CCSER1: variants seen among roughly 807,000 people sequenced by gnomAD.
CCSER1 encodes the protein coiled-coil serine rich protein 1.
A neutral mutation model predicts 82.0 loss-of-function variants in CCSER1; 41 were observed. That is an observed-to-expected ratio of 0.50 (90% CI 0.39 to 0.65). CCSER1 has a LOEUF of 0.65. CCSER1 is among the 30% of genes least tolerant of loss of function. The pLI is 0.00. For missense variants in CCSER1, 1,119 were observed against 1,064.2 expected (o/e 1.05, Z -0.72); for synonymous variants, 414 against 383.9 (o/e 1.08, Z -0.92).
chr4:90,523,449 A>G (rs752893017), intron 5 of CCSER1, among the ~76,000 whole-genome samples: 5 of 152,122 alleles, frequency 3.3e-5, no homozygotes, highest in Non-Finnish European at 7.4e-5. Context: ...ATCCTCATAT[A>G]ATTAGAACTG....
chr4:91,133,509 T>A (rs1318983349), intron 10 of CCSER1, among the ~76,000 whole-genome samples: 1 of 152,166 alleles, frequency 6.6e-6, no homozygotes, highest in African/African-American at 2.4e-5. Context: ...GAAGGTAGAT[T>A]GACGCCTCTG....
intron 10 of CCSER1, among the ~76,000 whole-genome samples, chr4:91,518,859 GT>G (rs1212349240): frequency 2.6e-5 from 4 of 152,184 alleles, no homozygotes; most frequent in African/African-American, 9.6e-5. Flanking sequence ...CAACTATTCT[GT>G]GGTCCTGAAC....
chr4:90,729,855 T>G (rs1042251204), intron 7 of CCSER1, among the ~76,000 whole-genome samples: 9 of 151,990 alleles, frequency 5.9e-5, no homozygotes, highest in Admixed American at 1.3e-4. Context: ...CAGCCTGGGC[T>G]ACAGACCGAG....
chr4:90,175,174 A>T (rs1293273424), intron 1 of CCSER1, among the ~76,000 whole-genome samples: 5 of 152,034 alleles, frequency 3.3e-5, no homozygotes, highest in African/African-American at 4.8e-5. Flanking sequence ...ACTAAATGAT[A>T]TAAGGAAATG....
At chr4:90,631,157 T>C (rs1724338944) in intron 6 of CCSER1, among the ~76,000 whole-genome samples, 1 of 152,074 alleles carries the variant, frequency 6.6e-6, no homozygotes, top group African/African-American at 2.4e-5. Flanking sequence ...CCTCCCAAAG[T>C]GCTGGGACTA....
chr4:90,808,876 A>C (rs962470603), intron 7 of CCSER1, among the ~76,000 whole-genome samples: 1 of 152,194 alleles, frequency 6.6e-6, no homozygotes, highest in Non-Finnish European at 1.5e-5. Context: ...AAATTCAGCA[A>C]TCTCACTACT....
At position 91,014,746 on chromosome 4, in the gene CCSER1, G is replaced by A. The variant is rs138242307; in HGVS notation, c.2173-71204G>A. Among the ~76,000 whole-genome samples the A allele has an allele frequency of 3.0e-3, 457 of 152,190 alleles. 3 individuals are homozygous for A. The highest frequency in any genetic ancestry group is 0.01 in the African/African-American group (428 of 41,524). On this transcript the variant is annotated intron_variant, in intron 9 of 10. Coordinates refer to ENST00000509176, the MANE Select transcript of CCSER1 (RefSeq NM_001145065.2). ...ATAATCTTAAATGAGAGATTATTAA[G>A]AATCAAATATTTCACTTGAATTTTG...
intron 1 of CCSER1, among the ~76,000 whole-genome samples, chr4:90,236,467 G>T (rs558608342): frequency 2.7e-4 from 41 of 152,224 alleles, no homozygotes; most frequent in African/African-American, 9.4e-4. Flanking sequence ...AAGATATTCT[G>T]CATCAAGGAC....
chr4:90,657,768 C>A (rs1436179050), intron 6 of CCSER1, among the ~76,000 whole-genome samples: 1 of 152,076 alleles, frequency 6.6e-6, no homozygotes, highest in Non-Finnish European at 1.5e-5. Flanking sequence ...CATGTAATTT[C>A]TTGAACACAT....
At chr4:90,709,946 G>T (rs373796989) in intron 6 of CCSER1, among the ~76,000 whole-genome samples, 1,460 of 134,948 alleles carry the variant, frequency 0.011, 22 homozygotes, top group African/African-American at 0.034. Flanking sequence ...GCCAGCATCT[G>T]TTTTTTTTTT....
At chr4:90,250,814 T>C (rs1217583430) in intron 1 of CCSER1, among the ~76,000 whole-genome samples, 1 of 152,068 alleles carries the variant, frequency 6.6e-6, no homozygotes, top group Non-Finnish European at 1.5e-5. Flanking sequence ...TTGTCATCTT[T>C]GTAATAACAC....
intron 9 of CCSER1, among the ~76,000 whole-genome samples, chr4:90,977,957 C>G (rs1034037261): frequency 6.6e-6 from 1 of 151,512 alleles, no homozygotes; most frequent in Non-Finnish European, 1.5e-5. Context: ...AACAGGCATT[C>G]AATGATGTCA....
At chr4:90,882,961 T>C (rs1323195337) in intron 8 of CCSER1, among the ~76,000 whole-genome samples, 1 of 152,090 alleles carries the variant, frequency 6.6e-6, no homozygotes, top group Non-Finnish European at 1.5e-5. Context: ...TCAAGTACTT[T>C]ATGTTTAGAA....
At chr4:90,266,916 G>T (rs1038908565) in intron 1 of CCSER1, among the ~76,000 whole-genome samples, 1 of 151,778 alleles carries the variant, frequency 6.6e-6, no homozygotes, top group East Asian at 2.0e-4. Flanking sequence ...AAGTGGACTT[G>T]GGGGCTATAA....
At chr4:90,750,931 T>C (rs1748530180) in intron 7 of CCSER1, among the ~76,000 whole-genome samples, 1 of 152,176 alleles carries the variant, frequency 6.6e-6, no homozygotes, top group African/African-American at 2.4e-5. Flanking sequence ...TTCTTTGAAA[T>C]ATATCTTAAT....
intron 10 of CCSER1, among the ~76,000 whole-genome samples, chr4:91,186,122 T>A (rs574350438): frequency 6.6e-6 from 1 of 152,280 alleles, no homozygotes; most frequent in Admixed American, 6.5e-5. Context: ...GAACAGTCAC[T>A]GGGGCAACTA....
intron 10 of CCSER1, among the ~76,000 whole-genome samples, chr4:91,133,400 T>C (rs1728175615): frequency 6.6e-6 from 1 of 152,112 alleles, no homozygotes; most frequent in Admixed American, 6.6e-5. Context: ...AAGTCAGATA[T>C]TGATCACATA....
intron 10 of CCSER1, among the ~76,000 whole-genome samples, chr4:91,493,167 T>C (rs1758639300): frequency 6.6e-6 from 1 of 151,926 alleles, no homozygotes; most frequent in Non-Finnish European, 1.5e-5. Context: ...TGAGTCATTT[T>C]ATTCATCTTA....
chr4:90,528,072 A>G (rs979365802), intron 5 of CCSER1, among the ~76,000 whole-genome samples: 1 of 152,172 alleles, frequency 6.6e-6, no homozygotes, highest in Non-Finnish European at 1.5e-5. Flanking sequence ...TAAAGTGGCA[A>G]TTGCTTCATA....
Sources: allele counts gnomAD v4.1 joint callset (sites outside exome capture counted in the v4.1 genomes callset), GRCh38; gene constraint gnomAD v4.1.1; transcripts MANE v1.5; gene names NCBI Gene and HGNC (gene_info 2026-07-23, HGNC 2026-07-21).